KIFC3: variants seen among roughly 807,000 people sequenced by gnomAD.
The protein encoded by KIFC3 is kinesin family member C3.
A neutral mutation model predicts 101.8 loss-of-function variants in KIFC3; 60 were observed. That is an observed-to-expected ratio of 0.59 (90% CI 0.48 to 0.73). KIFC3 has a LOEUF of 0.73. Among genes scored for constraint, KIFC3 ranks in the 30% least tolerant of loss-of-function variants. The pLI is 0.00. For missense variants in KIFC3, 966 were observed against 1,137.1 expected, an observed-to-expected ratio of 0.85 and a Z score of 2.16; for synonymous variants, 476 against 482.7, an observed-to-expected ratio of 0.99 and a Z score of 0.18.
At position 57,794,991 on chromosome 16, in the gene KIFC3, G is replaced by GTGCT. The variant is rs782738532; in HGVS notation, c.315+4_315+7dup. 5 of 1,565,514 alleles carry GTGCT rather than the reference G, an allele frequency of 3.2e-6. No individual in the cohort carries two copies. The East Asian group carries it at 9.6e-5, about 30-fold the overall frequency. On this transcript the variant is annotated splice_region_variant and intron_variant, in intron 3 of 19. Coordinates refer to ENST00000445690, the MANE Select transcript of KIFC3 (RefSeq NM_001130100.2). ...GGCACATGCAGCCTGGAAGGCCCCA[G>GTGCT]TGCTTACCTGCAGGGTCAGGTAGAG... is the stretch of plus-strand genomic sequence containing the variant.
intron 16 of KIFC3, 28 bp from the exon 17 acceptor site, chr16:57,760,444 C>A (rs1374584446): frequency 6.2e-7 from 1 of 1,603,782 alleles, no homozygotes; most frequent in Non-Finnish European, 8.5e-7. Context: ...TCACTGCCCA[C>A]CCGGGCCAGC....
intron 3 of KIFC3, chr16:57,776,490 T>C: frequency 1.2e-6 from 1 of 821,122 alleles, no homozygotes; most frequent in Non-Finnish European, 1.5e-6. Flanking sequence ...CCTTACCTGC[T>C]GGGTAACCTT....
Position 57,798,264 on chromosome 16 carries a change from C to T in KIFC3, c.-21G>A. 1 of 1,550,822 alleles carries T rather than the reference C, an allele frequency of 6.4e-7. No individual in the cohort carries two copies. On this transcript the variant is annotated 5_prime_UTR_variant, in exon 2 of 20. Transcript: ENST00000445690. ...ACCATGGCCTGGGGCTCAGCAGCCT[C>T]CTCGGGGCACCAGGCAGCCTGCGGA...
chr16:57,794,111 T>C (rs1400369427), intron 3 of KIFC3, among the ~76,000 whole-genome samples: 1 of 152,198 alleles, frequency 6.6e-6, no homozygotes, highest in Non-Finnish European at 1.5e-5. Context: ...AGGACTAACA[T>C]GAGATCTTTT....
intron 1 of KIFC3, among the ~76,000 whole-genome samples, chr16:57,799,106 G>T (rs188518037): frequency 1.3e-5 from 2 of 152,216 alleles, no homozygotes; most frequent in Admixed American, 6.5e-5. Flanking sequence ...GGAATGGAGG[G>T]GGGCAGAGAG....
intron 4 of KIFC3, 112 bp downstream of exon 4, chr16:57,772,111 G>A: frequency 1.2e-6 from 1 of 865,548 alleles, no homozygotes. Context: ...CTGAGACAGG[G>A]TGGGATATGC....
At chr16:57,791,458 G>A (rs1555620344) in intron 3 of KIFC3, among the ~76,000 whole-genome samples, 1 of 152,212 alleles carries the variant, frequency 6.6e-6, no homozygotes, top group African/African-American at 2.4e-5. Context: ...TCTGTAGGGT[G>A]CATCTCAGGT....
intron 16 of KIFC3, 64 bp downstream of exon 16, chr16:57,760,662 G>C (rs2049735781): frequency 2.8e-6 from 4 of 1,424,748 alleles, no homozygotes; most frequent in Non-Finnish European, 3.9e-6. Flanking sequence ...GGGGTGACTG[G>C]GTCTCACTGC....
At chr16:57,788,773 A>G in intron 3 of KIFC3, 1 of 1,275,530 alleles carries the variant, frequency 7.8e-7, no homozygotes, top group Non-Finnish European at 1.0e-6. Flanking sequence ...AGGACCCTCG[A>G]GCCAGAGGAT....
intron 1 of KIFC3, chr16:57,810,821 C>A: frequency 6.9e-6 from 3 of 432,594 alleles, no homozygotes; most frequent in Non-Finnish European, 6.2e-6. Flanking sequence ...GATGGAGAGA[C>A]TGAGGCCAGT....
rs1360567348 is a variant in KIFC3 at position 57,798,397 on chromosome 16, C to T, written c.-39-115G>A. 4.6e-5 allele frequency: 42 copies of T among 920,132 alleles called. 2 individuals carry two copies. The South Asian group carries it at 5.0e-4, about 11-fold the overall frequency. The allele number at this position is 920,132 out of a possible 1,614,324, so 57.0% of individuals were successfully genotyped here. On this transcript the variant is annotated intron_variant, in intron 1 of 19. Coordinates refer to ENST00000445690, the MANE Select transcript of KIFC3 (RefSeq NM_001130100.2). ...GCCCCACCGGTCGCTGGTTACCCAGCGCAGCAGCTCCAACTGCACTGTCCC... is the reference window on the plus strand; with the variant it reads ...GCCCCACCGGTCGCTGGTTACCCAGTGCAGCAGCTCCAACTGCACTGTCCC...
intron 1 of KIFC3, among the ~76,000 whole-genome samples, chr16:57,848,247 C>T (rs1173254010): frequency 6.6e-6 from 1 of 152,090 alleles, no homozygotes; most frequent in Non-Finnish European, 1.5e-5. Flanking sequence ...TTCAGATGAA[C>T]ATTCATTTGT....
chr16:57,808,948 G>A (rs1156690563), intron 1 of KIFC3, among the ~76,000 whole-genome samples: 1 of 152,190 alleles, frequency 6.6e-6, no homozygotes, highest in Non-Finnish European at 1.5e-5. Context: ...TGCAGTTATA[G>A]TGGGAGGCAA....
At chr16:57,768,362 C>T (rs1175997289) in intron 9 of KIFC3, among the ~76,000 whole-genome samples, 9 of 152,058 alleles carry the variant, frequency 5.9e-5, no homozygotes, top group Non-Finnish European at 1.2e-4. Context: ...CAAAAAAATG[C>T]TGTGTAAATA....
upstream of KIFC3, chr16:57,802,886 A>G: frequency 7.7e-7 from 1 of 1,295,764 alleles, no homozygotes; most frequent in Non-Finnish European, 1.1e-6. This position sits in a 1 kb window ranked among gnomAD's most constrained non-coding sequence, Gnocchi z 5.0. Context: ...GAGTACTCAC[A>G]CATACACTTC....
chr16:57,810,002 T>A (rs2055029540), intron 1 of KIFC3, among the ~76,000 whole-genome samples: 2 of 152,064 alleles, frequency 1.3e-5, no homozygotes. Flanking sequence ...GTGCTCCCAA[T>A]CCCTGCCTGC....
intron 1 of KIFC3, among the ~76,000 whole-genome samples, chr16:57,840,208 C>T (rs866354155): frequency 3.3e-5 from 5 of 151,984 alleles, no homozygotes; most frequent in South Asian, 2.1e-4. Context: ...CGTGGTGGCG[C>T]GCACCTGTAA....
At chr16:57,765,429 T>G (rs1555601771) in intron 11 of KIFC3, 30 bp downstream of exon 11, 13 of 1,548,006 alleles carry the variant, frequency 8.4e-6, no homozygotes, top group Admixed American at 7.8e-5. Flanking sequence ...TCTCCCTTGC[T>G]TTCCCTTTCC....
chr16:57,774,318 G>A (rs1253280213), intron 3 of KIFC3: 1 of 152,152 alleles, frequency 6.6e-6, no homozygotes, highest in Non-Finnish European at 1.5e-5. Flanking sequence ...GTGGGCAGGT[G>A]AATTACAATG....
Sources: allele counts gnomAD v4.1 joint callset (sites outside exome capture counted in the v4.1 genomes callset), GRCh38; gene constraint gnomAD v4.1.1; non-coding constraint Gnocchi (gnomAD v3.1); transcripts MANE v1.5; gene names NCBI Gene and HGNC (gene_info 2026-07-23, HGNC 2026-07-21).